AGTPBP1: variants seen among roughly 807,000 people sequenced by gnomAD.
AGTPBP1 encodes cytosolic carboxypeptidase 1.
AGTPBP1 carries 70 observed loss-of-function variants against 143.9 expected under a neutral mutation model. The ratio of observed to expected loss-of-function variants is 0.49; its 90% CI spans 0.40 to 0.59. The LOEUF (loss-of-function observed/expected upper bound fraction) is 0.59. Ranked by LOEUF, AGTPBP1 falls within the 20% of genes least tolerant of loss-of-function variation. The pLI, the probability that AGTPBP1 is intolerant of heterozygous loss-of-function variation, is 0.00. For synonymous variants in AGTPBP1, 463 were observed against 500.2 expected, an observed-to-expected ratio of 0.93 and a Z score of 0.99; for missense variants, 1,229 against 1,464.5, an observed-to-expected ratio of 0.84 and a Z score of 2.62.
At chr9:85,759,917 TA>T in the AGTPBP1 span, among the ~76,000 whole-genome samples, 1 of 151,760 alleles carries the variant, frequency 6.6e-6, no homozygotes, top group East Asian at 1.9e-4. Flanking sequence ...ATAGATGCAA[TA>T]AAAAATGATA....
At chr9:85,573,677 G>T (rs895445070) in intron 25 of AGTPBP1, among the ~76,000 whole-genome samples, 1 of 151,402 alleles carries the variant, frequency 6.6e-6, no homozygotes, top group African/African-American at 2.4e-5. Context: ...CTTCCCGGCC[G>T]CCATCCCATC....
the AGTPBP1 span, among the ~76,000 whole-genome samples, chr9:85,784,495 A>T: frequency 6.6e-6 from 1 of 151,910 alleles, no homozygotes; most frequent in Non-Finnish European, 1.5e-5. Context: ...GCAGCCTCAA[A>T]CTCCTGGGCT....
chr9:85,740,158 A>G (rs2134851106), intron 1 of AGTPBP1, among the ~76,000 whole-genome samples: 1 of 152,366 alleles, frequency 6.6e-6, no homozygotes. Flanking sequence ...CTTTATAAAA[A>G]TTGCTTCTAC....
chr9:85,701,851 A>G (rs1248880005), intron 2 of AGTPBP1, among the ~76,000 whole-genome samples: 1 of 152,222 alleles, frequency 6.6e-6, no homozygotes. Flanking sequence ...ACCTGTTTCC[A>G]AAGGTTAGTG....
At chr9:85,693,065 A>G (rs1835985139) in intron 2 of AGTPBP1, among the ~76,000 whole-genome samples, 1 of 152,220 alleles carries the variant, frequency 6.6e-6, no homozygotes, top group Non-Finnish European at 1.5e-5. Flanking sequence ...AACCCTGTTC[A>G]GTAATCTTAC....
At chr9:85,594,388 G>A (rs938838409) in intron 18 of AGTPBP1, among the ~76,000 whole-genome samples, 1 of 152,114 alleles carries the variant, frequency 6.6e-6, no homozygotes, top group African/African-American at 2.4e-5. Context: ...GGAGGCTGAG[G>A]CAGAGGGATC....
chr9:85,582,716 G>T (rs1282850506), intron 23 of AGTPBP1, among the ~76,000 whole-genome samples: 1 of 151,854 alleles, frequency 6.6e-6, no homozygotes, highest in East Asian at 1.9e-4. Flanking sequence ...GTCATAATTT[G>T]TTGTATTTTC....
At chr9:85,707,796 G>A (rs1837105222) in intron 2 of AGTPBP1, among the ~76,000 whole-genome samples, 2 of 151,974 alleles carry the variant, frequency 1.3e-5, no homozygotes. Context: ...GTTTCAATGG[G>A]CTAAAACCAA....
the AGTPBP1 span, chr9:85,793,296 A>C: frequency 2.6e-5 from 4 of 152,326 alleles, no homozygotes; most frequent in South Asian, 6.2e-4. Flanking sequence ...AAGACACTAT[A>C]ATACAAGAAG....
intron 1 of AGTPBP1, among the ~76,000 whole-genome samples, chr9:85,738,257 A>C (rs547210084): frequency 2.4e-4 from 37 of 152,182 alleles, no homozygotes; most frequent in Non-Finnish European, 5.0e-4. Flanking sequence ...CAAAAGTTTG[A>C]AAGCATTTAG....
intron 20 of AGTPBP1, among the ~76,000 whole-genome samples, chr9:85,588,960 T>C (rs1828783637): frequency 6.6e-6 from 1 of 152,182 alleles, no homozygotes; most frequent in Non-Finnish European, 1.5e-5. Context: ...TACATTTAGA[T>C]ATACAAGTCT....
At chr9:85,786,208 G>A in the AGTPBP1 span, 11 of 1,595,320 alleles carry the variant, frequency 6.9e-6, no homozygotes, top group East Asian at 2.2e-5. Context: ...AAGAGAAAGA[G>A]AAATGGACAG....
intron 25 of AGTPBP1, among the ~76,000 whole-genome samples, chr9:85,564,797 G>A (rs1054880861): frequency 1.2e-4 from 18 of 152,114 alleles, no homozygotes; most frequent in African/African-American, 4.3e-4. Flanking sequence ...ATTGTTAAAC[G>A]ATGCATGACT....
intron 7 of AGTPBP1, among the ~76,000 whole-genome samples, chr9:85,672,072 CT>C (rs111948831): frequency 1.8e-3 from 266 of 144,698 alleles, no homozygotes; most frequent in Non-Finnish European, 2.1e-3. Context: ...CCAACTTAAC[CT>C]TTTTTTTTTT....
At position 85,633,158 on chromosome 9, in the gene AGTPBP1, T is replaced by C. The variant is rs1257015185; in HGVS notation, c.1519A>G (p.Arg507Gly). Residue 507 changes from arginine to glycine, a missense_variant, in exon 14 of 26, where the codon AGA becomes GGA. Arg to Gly is a moderately radical substitution (Grantham distance 125). This residue lies in a region of AGTPBP1 where 743 missense variants were observed against 812.2 expected (regional missense o/e 0.91). Coordinates refer to ENST00000357081, the MANE Select transcript of AGTPBP1 (RefSeq NM_001330701.2). ...TCACCTGGCTGCTGTTGTAATGTTC[T>C]ATCATTATCTTTAATATCTTCTTTT... The part of the protein sequence containing the change: ...LAKEDIKDND[R>G]TLQQQPGDQN... 6.2e-7 allele frequency: 1 copy of C among 1,613,582 alleles called. No individual in the cohort carries two copies. The highest frequency in any genetic ancestry group is 2.2e-5 in the East Asian group (1 of 44,874).
At chr9:85,601,070 T>A (rs1437887776) in intron 17 of AGTPBP1, among the ~76,000 whole-genome samples, 1 of 152,162 alleles carries the variant, frequency 6.6e-6, no homozygotes, top group Non-Finnish European at 1.5e-5. Flanking sequence ...GGTCACCCTA[T>A]ATTAACACAC....
chr9:85,599,612 G>A (rs1178325503), intron 17 of AGTPBP1, among the ~76,000 whole-genome samples: 1 of 152,080 alleles, frequency 6.6e-6, no homozygotes, highest in Non-Finnish European at 1.5e-5. Context: ...TGGTTAACAC[G>A]TTTTATAAGT....
chr9:85,664,342 G>A (rs1264094246), intron 8 of AGTPBP1, among the ~76,000 whole-genome samples: 1 of 152,076 alleles, frequency 6.6e-6, no homozygotes, highest in African/African-American at 2.4e-5. Flanking sequence ...CTTCAAAAAA[G>A]TATTTAAAAT....
At chr9:85,659,234 TC>T (rs1189381789) in intron 9 of AGTPBP1, among the ~76,000 whole-genome samples, 1 of 152,168 alleles carries the variant, frequency 6.6e-6, no homozygotes, top group Non-Finnish European at 1.5e-5. Flanking sequence ...ATTCATGTAT[TC>T]AGTGTACCAA....
Sources: allele counts gnomAD v4.1 joint callset (sites outside exome capture counted in the v4.1 genomes callset), GRCh38; gene constraint gnomAD v4.1.1; regional missense constraint gnomAD v4.1.1; transcripts MANE v1.5; gene names NCBI Gene and HGNC (gene_info 2026-07-23, HGNC 2026-07-21).